The following RXFP2 variants were observed in gnomAD, a reference collection of about 807,000 sequenced individuals.
RXFP2 encodes the protein relaxin receptor 2.
RXFP2 carries 68 observed loss-of-function variants against 88.6 expected under a neutral mutation model. The observed-to-expected ratio is 0.77, with a 90% CI of 0.63 to 0.94. The LOEUF (loss-of-function observed/expected upper bound fraction) is 0.94, where lower values mean the gene tolerates loss of function less well. Ranked by LOEUF, RXFP2 falls within the 40% of genes least tolerant of loss-of-function variation. The probability of loss-of-function intolerance (pLI) is 0.00; values close to 1 mark genes in which losing one functional copy is unlikely to be tolerated. For synonymous variants in RXFP2, 329 were observed against 306.8 expected, an observed-to-expected ratio of 1.07 and a Z score of -0.76; for missense variants, 791 against 893.9, an observed-to-expected ratio of 0.88 and a Z score of 1.47.
chr13:31,786,300 T>C lies in RXFP2; in HGVS notation c.930-83T>C, dbSNP rs1464410530. On this transcript the variant is annotated intron_variant, in intron 11 of 17. Transcript: ENST00000298386. ...GATTCATATTTTCTGTTACATCAAA[T>C]GGGATGATGATAATTGTGAGGAGTA... The C allele has an allele frequency of 1.3e-5, 13 of 990,168 alleles. No individual in the cohort carries two copies. The Admixed American group carries it at 1.7e-4, about 13-fold the overall frequency. 61.3% of individuals were successfully genotyped at this position (990,168 alleles called of 1,614,324 possible).
rs1873040013 is a variant in RXFP2 at position 31,777,400 on chromosome 13, C to G, written c.666C>G (p.Thr222=). 1.9e-6 allele frequency: 3 copies of G among 1,611,558 alleles called. No individual in the cohort carries two copies. In the South Asian group the frequency reaches 3.3e-5, roughly 18 times the overall value. ...TWLILDDNPI[T]RISQRLFTGL... ...GAATTCTAGATGACAATCCAATAAC[C>G]AGAATTTCACAGCGCTTGTTTACGG... The change falls in exon 8 of 18, where the codon ACC becomes ACG. Residue 222 remains threonine (T), a synonymous_variant. Coordinates refer to ENST00000298386, the MANE Select transcript of RXFP2 (RefSeq NM_130806.5).
At chr13:31,751,962 T>G (rs2138392672) in intron 1 of RXFP2, among the ~76,000 whole-genome samples, 1 of 152,318 alleles carries the variant, frequency 6.6e-6, no homozygotes, top group East Asian at 1.9e-4. Flanking sequence ...GGTGGAGTTT[T>G]GGCAGTTTAC....
rs149201901 is a variant in RXFP2, at chr13:31,749,510, A to G, written c.95-8748A>G. 6.3e-4 allele frequency among the ~76,000 whole-genome samples: 96 copies of G among 152,306 alleles called. No individual in the cohort carries two copies. The East Asian group carries it at 0.018, about 28-fold the overall frequency. ...TTTTTATTGAGATTTCTTTGAATCT[A>G]TAGATTGATTTAGGGAAAGAATGAA... On this transcript the variant is annotated intron_variant, in intron 1 of 17. Transcript: ENST00000298386.
intron 7 of RXFP2, among the ~76,000 whole-genome samples, chr13:31,776,868 A>G (rs1404798218): frequency 3.3e-5 from 5 of 152,102 alleles, no homozygotes; most frequent in Admixed American, 3.3e-4. Context: ...AAATAGTTTC[A>G]CTCTTTCACC....
intron 5 of RXFP2, 93 bp downstream of exon 5, chr13:31,766,120 TTTATCA>T (rs1872540999): frequency 4.1e-6 from 3 of 723,914 alleles, no homozygotes; most frequent in Non-Finnish European, 7.5e-6. Context: ...GTTTGTTATC[TTTATCA>T]TTACATTTAT....
At chr13:31,789,006 C>G in intron 13 of RXFP2, 116 bp from the exon 14 acceptor site, 1 of 738,304 alleles carries the variant, frequency 1.4e-6, no homozygotes, top group East Asian at 2.6e-5. Flanking sequence ...AACTTTCATT[C>G]TAATCTGCAT....
intron 1 of RXFP2, among the ~76,000 whole-genome samples, chr13:31,750,092 A>G (rs1487656943): frequency 6.6e-6 from 1 of 152,170 alleles, no homozygotes; most frequent in African/African-American, 2.4e-5. Context: ...TCATAAACGG[A>G]GTTAAAAACA....
intron 1 of RXFP2, among the ~76,000 whole-genome samples, chr13:31,742,948 T>G (rs1483169666): frequency 6.6e-6 from 1 of 152,228 alleles, no homozygotes; most frequent in Non-Finnish European, 1.5e-5. Flanking sequence ...AGTGTGCTTG[T>G]TTCACATGTG....
Position 31,781,685 on chromosome 13 carries a change from A to G in RXFP2, c.800A>G (p.Asn267Ser). 2 of 1,611,786 alleles carry G rather than the reference A, an allele frequency of 1.2e-6. No individual in the cohort carries two copies. Among genetic ancestry groups the G allele is most frequent in the Non-Finnish European group, 1.7e-6 (2 of 1,178,114 alleles). The change falls in exon 10 of 18, where the codon AAT becomes AGT. Residue 267 changes from asparagine to serine, a missense_variant. Coordinates refer to ENST00000298386, the MANE Select transcript of RXFP2 (RefSeq NM_130806.5). ...ATGACTTCCAGGGATTTGGAAGGCA[A>G]TAGAATAAAGTATCTCACAAATTCT... ...PQLNWVDLEGNRIKYLTNSTF... is the reference protein window; with the variant it reads ...PQLNWVDLEGSRIKYLTNSTF...
intron 14 of RXFP2, among the ~76,000 whole-genome samples, chr13:31,790,943 C>T (rs963018930): frequency 7.9e-5 from 12 of 152,074 alleles, no homozygotes; most frequent in African/African-American, 2.2e-4. Context: ...GGGCAAGAGG[C>T]GAGGTGGTGC....
At chr13:31,773,059 T>A (rs1182850054) in intron 5 of RXFP2, among the ~76,000 whole-genome samples, 6 of 152,242 alleles carry the variant, frequency 3.9e-5, no homozygotes, top group Admixed American at 3.9e-4. Flanking sequence ...TACTGTAACA[T>A]AATTCATCAT....
chr13:31,757,829 C>T (rs949475387), intron 1 of RXFP2, among the ~76,000 whole-genome samples: 2 of 152,188 alleles, frequency 1.3e-5, no homozygotes, highest in African/African-American at 4.8e-5. Context: ...CGAGGTGGCT[C>T]ACACCTGTAA....
At chr13:31,744,327 C>A (rs1304082301) in intron 1 of RXFP2, among the ~76,000 whole-genome samples, 2 of 152,190 alleles carry the variant, frequency 1.3e-5, no homozygotes, top group African/African-American at 2.4e-5. Context: ...TATTTAGATT[C>A]TTTATGCACT....
intron 1 of RXFP2, among the ~76,000 whole-genome samples, chr13:31,753,925 G>A (rs1305582752): frequency 6.6e-6 from 1 of 152,006 alleles, no homozygotes; most frequent in Non-Finnish European, 1.5e-5. Context: ...AGAAAAGGGT[G>A]GGGAATACAT....
intron 10 of RXFP2, among the ~76,000 whole-genome samples, 155 bp from the exon 11 acceptor site, chr13:31,782,521 A>G (rs1873332681): frequency 6.6e-6 from 1 of 152,182 alleles, no homozygotes; most frequent in Admixed American, 6.5e-5. Flanking sequence ...CCACGGTGAA[A>G]AAGTCCTGCC....
intron 13 of RXFP2, among the ~76,000 whole-genome samples, chr13:31,788,855 T>C (rs1262836318): frequency 1.3e-5 from 2 of 152,150 alleles, no homozygotes. Flanking sequence ...AATACACAAA[T>C]CACCACTGCC....
At chr13:31,795,432 G>C (rs1447635903) in intron 16 of RXFP2, among the ~76,000 whole-genome samples, 2 of 152,148 alleles carry the variant, frequency 1.3e-5, no homozygotes, top group African/African-American at 4.8e-5. Context: ...TTACAGGTGT[G>C]AGTGACCACA....
In RXFP2 at chr13:31,790,113, C is replaced by A. The variant is rs1264603927; in HGVS notation, c.1145+920C>A. On this transcript the variant is annotated intron_variant, in intron 14 of 17. Transcript: ENST00000298386. ...CAGGCCAAGGTCAAGAACAGGTCAACAATTAAGAGAAAACACATTAGCTTA... is the reference window on the plus strand; with the variant it reads ...CAGGCCAAGGTCAAGAACAGGTCAAAAATTAAGAGAAAACACATTAGCTTA... Among the ~76,000 whole-genome samples, 4 of 152,160 alleles carry A rather than the reference C, an allele frequency of 2.6e-5. No homozygotes were observed. The East Asian group carries it at 5.8e-4, about 22-fold the overall frequency.
At chr13:31,754,942 A>T (rs923504583) in intron 1 of RXFP2, among the ~76,000 whole-genome samples, 6 of 152,188 alleles carry the variant, frequency 3.9e-5, no homozygotes, top group Non-Finnish European at 7.4e-5. Context: ...CCTTCTTAAC[A>T]TTCTATTTTC....
Sources: allele counts gnomAD v4.1 joint callset (sites outside exome capture counted in the v4.1 genomes callset), GRCh38; gene constraint gnomAD v4.1.1; transcripts MANE v1.5; gene names NCBI Gene and HGNC (gene_info 2026-07-23, HGNC 2026-07-21).